The following CDH13 variants were observed in gnomAD, a reference collection of about 807,000 sequenced individuals.
CDH13 encodes cadherin-13.
CDH13 carries 24 observed loss-of-function variants against 63.8 expected under a neutral mutation model. That is an observed-to-expected ratio of 0.38 (90% CI 0.27 to 0.53). The LOEUF (loss-of-function observed/expected upper bound fraction) is 0.53, where lower values mean the gene tolerates loss of function less well. Among genes scored for constraint, CDH13 ranks in the 20% least tolerant of loss-of-function variants. CDH13 has a pLI of 0.85. For synonymous variants in CDH13, 503 were observed against 355.3 expected (o/e 1.42, Z -4.67); for missense variants, 1,049 against 903.1 (o/e 1.16, Z -2.07).
intron 7 of CDH13, among the ~76,000 whole-genome samples, chr16:83,556,511 C>T (rs531772970): frequency 4.6e-5 from 7 of 152,228 alleles, no homozygotes; most frequent in African/African-American, 1.7e-4. Flanking sequence ...GTTCCCAGTT[C>T]AAAGATGAGG....
intron 6 of CDH13, among the ~76,000 whole-genome samples, chr16:83,442,737 C>T (rs767591116): frequency 1.3e-5 from 2 of 152,190 alleles, no homozygotes; most frequent in African/African-American, 4.8e-5. Context: ...ACAGTGATAT[C>T]AGAATGTTAC....
At chr16:83,706,167 T>G (rs1268031902) in intron 10 of CDH13, among the ~76,000 whole-genome samples, 3 of 152,208 alleles carry the variant, frequency 2.0e-5, no homozygotes, top group Middle Eastern at 3.2e-3. Context: ...AATTGTTGAT[T>G]GCTGTCAGCC....
chr16:83,179,890 GTT>G (rs11406184), intron 4 of CDH13, among the ~76,000 whole-genome samples: 10 of 146,420 alleles, frequency 6.8e-5, no homozygotes, highest in African/African-American at 2.5e-4. Flanking sequence ...AATAGGTTAA[GTT>G]TTTTTTTTTT....
intron 6 of CDH13, among the ~76,000 whole-genome samples, chr16:83,465,861 C>T (rs2073301394): frequency 6.6e-6 from 1 of 152,200 alleles, no homozygotes; most frequent in African/African-American, 2.4e-5. Context: ...TACTTCCATG[C>T]CATTTTGGCA....
chr16:83,491,866 A>T (rs1251737513), intron 7 of CDH13, among the ~76,000 whole-genome samples: 1 of 152,126 alleles, frequency 6.6e-6, no homozygotes, highest in Non-Finnish European at 1.5e-5. Context: ...ATAATGCCCA[A>T]ATTTTTAGGC....
At chr16:83,437,351 C>T (rs942146819) in intron 6 of CDH13, among the ~76,000 whole-genome samples, 1 of 152,108 alleles carries the variant, frequency 6.6e-6, no homozygotes, top group African/African-American at 2.4e-5. Flanking sequence ...AGGGAACGTA[C>T]TCAGCTTAAT....
intron 6 of CDH13, among the ~76,000 whole-genome samples, chr16:83,410,395 A>C (rs1191220242): frequency 6.6e-6 from 1 of 152,216 alleles, no homozygotes; most frequent in Non-Finnish European, 1.5e-5. Flanking sequence ...AATGTTAGAA[A>C]ATAAAGCAAA....
At position 82,868,444 on chromosome 16, in the gene CDH13, C is replaced by T. The variant is rs141709855; in HGVS notation, c.157+9971C>T. 9.7e-3 allele frequency among the ~76,000 whole-genome samples: 1,481 copies of T among 152,100 alleles called. 25 individuals carry two copies. The highest frequency in any genetic ancestry group is 0.033 in the African/African-American group (1,363 of 41,484). On this transcript the variant is annotated intron_variant, in intron 2 of 13. Transcript: ENST00000567109. ...AATGTGAAATACTATAATAAAATGA[C>T]GTAAGATAAGAAATGAACATATGTA...
intron 11 of CDH13, among the ~76,000 whole-genome samples, chr16:83,749,145 A>G (rs968607308): frequency 6.6e-6 from 1 of 152,216 alleles, no homozygotes; most frequent in Non-Finnish European, 1.5e-5. Context: ...ATTATTCCTA[A>G]AAGCCAGCTG....
intron 1 of CDH13, among the ~76,000 whole-genome samples, chr16:82,802,250 T>C (rs1465862580): frequency 6.6e-6 from 1 of 152,104 alleles, no homozygotes; most frequent in African/African-American, 2.4e-5. Context: ...GAAGAAGACG[T>C]GGAGATCGTG....
chr16:83,006,916 G>GTTTTTTTTT (rs1304934076), intron 2 of CDH13, among the ~76,000 whole-genome samples: 1 of 120,272 alleles, frequency 8.3e-6, no homozygotes, highest in African/African-American at 3.0e-5. Context: ...TTGTTTGTTT[G>GTTTTTTTTT]TTTGTTTGTT....
At chr16:82,993,827 G>T (rs1179814788) in intron 2 of CDH13, among the ~76,000 whole-genome samples, 2 of 152,116 alleles carry the variant, frequency 1.3e-5, no homozygotes, top group South Asian at 2.1e-4. Context: ...TTTTGACAGG[G>T]TTATAGTCAG....
intron 8 of CDH13, among the ~76,000 whole-genome samples, chr16:83,664,970 A>G (rs1913799194): frequency 6.6e-6 from 1 of 152,220 alleles, no homozygotes; most frequent in South Asian, 2.1e-4. Flanking sequence ...CCAGCATGCA[A>G]CAGACACAAC....
chr16:83,093,941 G>A lies in CDH13; in HGVS notation c.367-31444G>A, dbSNP rs532558884. On this transcript the variant is annotated intron_variant, in intron 3 of 13. Coordinates refer to ENST00000567109, the MANE Select transcript of CDH13 (RefSeq NM_001257.5). ...AAATACCTGAAAAGGTTAAGCAAGCGAGTAATAGCCTGGAGAGAAGAGTTA... is the reference window on the plus strand; with the variant it reads ...AAATACCTGAAAAGGTTAAGCAAGCAAGTAATAGCCTGGAGAGAAGAGTTA... Among the ~76,000 whole-genome samples, 8 of 152,310 alleles carry A rather than the reference G, an allele frequency of 5.3e-5. No homozygotes were observed. In the East Asian group the frequency reaches 5.8e-4, roughly 11 times the overall value.
At chr16:83,054,406 G>T (rs930991235) in intron 3 of CDH13, among the ~76,000 whole-genome samples, 6 of 152,142 alleles carry the variant, frequency 3.9e-5, no homozygotes, top group African/African-American at 1.4e-4. Flanking sequence ...AAGCTTACTT[G>T]CATACAAGCA....
At chr16:83,452,241 G>C (rs1413051333) in intron 6 of CDH13, among the ~76,000 whole-genome samples, 1 of 152,172 alleles carries the variant, frequency 6.6e-6, no homozygotes, top group Non-Finnish European at 1.5e-5. Context: ...CAGCAATTCA[G>C]GTAAGGTTGT....
chr16:82,711,181 C>G (rs971218193), intron 1 of CDH13, among the ~76,000 whole-genome samples: 3 of 152,008 alleles, frequency 2.0e-5, no homozygotes, highest in African/African-American at 7.2e-5. Flanking sequence ...TGTGGAGGTT[C>G]TAATAATGAC....
At chr16:82,636,055 C>G (rs1012107655) in intron 1 of CDH13, among the ~76,000 whole-genome samples, 4 of 152,106 alleles carry the variant, frequency 2.6e-5, no homozygotes, top group Non-Finnish European at 5.9e-5. Flanking sequence ...TTACCCAGTC[C>G]CAGGCAGTTC....
chr16:82,763,836 C>G (rs1428242152), intron 1 of CDH13, among the ~76,000 whole-genome samples: 1 of 152,176 alleles, frequency 6.6e-6, no homozygotes, highest in Non-Finnish European at 1.5e-5. Context: ...GTGCACACCA[C>G]CACGCCCAGG....
Sources: gnomAD v4.1 joint callset for allele counts (sites outside exome capture counted in the v4.1 genomes callset) on GRCh38, gnomAD v4.1.1 for gene constraint, MANE v1.5 for transcripts, NCBI Gene and HGNC (gene_info 2026-07-23, HGNC 2026-07-21) for gene names.